POU6F2: variants seen among roughly 807,000 people sequenced by gnomAD.
POU6F2 encodes POU class 6 homeobox 2.
In POU6F2, 31 loss-of-function variants were observed where a neutral mutation model predicts 71.3. The ratio of observed to expected loss-of-function variants is 0.43; its 90% CI spans 0.33 to 0.59. POU6F2 has a LOEUF of 0.59. POU6F2 is among the 20% of genes least tolerant of loss of function. POU6F2 has a pLI of 0.04. For missense variants in POU6F2, 783 were observed against 856.8 expected, an observed-to-expected ratio of 0.91 and a Z score of 1.07; for synonymous variants, 347 against 355.7, an observed-to-expected ratio of 0.98 and a Z score of 0.27.
intron 4 of POU6F2, among the ~76,000 whole-genome samples, chr7:39,233,056 C>T (rs975299825): frequency 6.6e-6 from 1 of 152,126 alleles, no homozygotes; most frequent in Non-Finnish European, 1.5e-5. Context: ...TGACAAATTA[C>T]GTGCAATTTA....
At chr7:39,138,278 A>G (rs1792426094) in intron 2 of POU6F2, among the ~76,000 whole-genome samples, 1 of 152,214 alleles carries the variant, frequency 6.6e-6, no homozygotes, top group Non-Finnish European at 1.5e-5. Flanking sequence ...TCTGTTACAT[A>G]ATACATATAT....
intron 4 of POU6F2, among the ~76,000 whole-genome samples, chr7:39,208,142 C>T (rs536613578): frequency 1.3e-5 from 2 of 152,228 alleles, no homozygotes; most frequent in Admixed American, 1.3e-4. Flanking sequence ...TCATATTTTG[C>T]AATGAGAAAA....
chr7:39,311,603 G>T (rs543145263), intron 4 of POU6F2, among the ~76,000 whole-genome samples: 2 of 152,294 alleles, frequency 1.3e-5, no homozygotes, highest in African/African-American at 4.8e-5. Flanking sequence ...TAGTGGATGG[G>T]TGGATAAATG....
chr7:39,178,294 T>C (rs1793370205), intron 2 of POU6F2, among the ~76,000 whole-genome samples: 1 of 152,114 alleles, frequency 6.6e-6, no homozygotes, highest in Admixed American at 6.6e-5. Context: ...ATAAACATTT[T>C]ACTATTCCCC....
At chr7:39,138,351 G>A (rs73365534) in intron 2 of POU6F2, among the ~76,000 whole-genome samples, 2,654 of 152,228 alleles carry the variant, frequency 0.017, 69 homozygotes, top group African/African-American at 0.061. Flanking sequence ...ATCAGTACTC[G>A]TCAGTAGCCT....
intron 1 of POU6F2, among the ~76,000 whole-genome samples, chr7:39,072,648 C>T (rs1231872536): frequency 6.6e-6 from 1 of 152,192 alleles, no homozygotes; most frequent in Non-Finnish European, 1.5e-5. Flanking sequence ...AACTCAGATG[C>T]TTCATCTGTT....
intron 4 of POU6F2, among the ~76,000 whole-genome samples, chr7:39,269,558 C>A (rs1394249374): frequency 2.6e-5 from 4 of 152,244 alleles, no homozygotes; most frequent in Non-Finnish European, 4.4e-5. Flanking sequence ...ATTTACCATG[C>A]GTCTTCTCAT....
At chr7:39,235,814 G>A (rs921083078) in intron 4 of POU6F2, among the ~76,000 whole-genome samples, 11 of 152,102 alleles carry the variant, frequency 7.2e-5, no homozygotes, top group African/African-American at 2.7e-4. Flanking sequence ...ATCAACAGAG[G>A]ACCTTGGTGT....
chr7:39,348,665 T>TA (rs1313532786), intron 5 of POU6F2, among the ~76,000 whole-genome samples: 31 of 152,212 alleles, frequency 2.0e-4, no homozygotes, highest in African/African-American at 7.5e-4. Context: ...ATTAGTGAAA[T>TA]ATATATTCTT....
chr7:39,111,571 T>C (rs552157592), intron 2 of POU6F2, among the ~76,000 whole-genome samples: 2 of 152,290 alleles, frequency 1.3e-5, no homozygotes, highest in South Asian at 4.1e-4. Flanking sequence ...ATTTTATAGC[T>C]GCATCATAAT....
chr7:39,316,178 A>G (rs113039969), intron 4 of POU6F2, among the ~76,000 whole-genome samples: 8 of 152,306 alleles, frequency 5.3e-5, no homozygotes, highest in African/African-American at 1.4e-4. Context: ...ACAGGGTTCA[A>G]TATTCAACTT....
At chr7:38,981,313 T>C (rs1788309260) in intron 1 of POU6F2, among the ~76,000 whole-genome samples, 1 of 152,170 alleles carries the variant, frequency 6.6e-6, no homozygotes, top group African/African-American at 2.4e-5. Flanking sequence ...ACAGATTAGT[T>C]CATCAGTACT....
intron 4 of POU6F2, among the ~76,000 whole-genome samples, chr7:39,216,870 A>C (rs901257773): frequency 3.9e-5 from 6 of 152,164 alleles, no homozygotes; most frequent in African/African-American, 7.2e-5. Context: ...CTGACAGTAA[A>C]ATAATCAAGA....
At chr7:39,072,749 C>T (rs551405203) in intron 1 of POU6F2, among the ~76,000 whole-genome samples, 97 of 152,026 alleles carry the variant, frequency 6.4e-4, no homozygotes, top group Non-Finnish European at 1.2e-3. Flanking sequence ...TGTCAGTTGC[C>T]GATTATCTCC....
chr7:39,357,030 A>G (rs1786275831), intron 5 of POU6F2, among the ~76,000 whole-genome samples: 1 of 152,224 alleles, frequency 6.6e-6, no homozygotes, highest in Admixed American at 6.5e-5. Context: ...TATAATAGGC[A>G]AAGAAGCAGG....
chr7:39,109,492 A>C (rs934151530), intron 2 of POU6F2, among the ~76,000 whole-genome samples: 2 of 152,176 alleles, frequency 1.3e-5, no homozygotes, highest in Non-Finnish European at 2.9e-5. Context: ...ATTCTGCCTG[A>C]TGAGTGGTAG....
chr7:39,447,612 C>T (rs1788554670), intron 7 of POU6F2, among the ~76,000 whole-genome samples: 1 of 152,166 alleles, frequency 6.6e-6, no homozygotes, highest in Admixed American at 6.6e-5. Context: ...AGGTAGGAAG[C>T]ATCCAATAAA....
chr7:39,275,703 C>G (rs1222200525), intron 4 of POU6F2, among the ~76,000 whole-genome samples: 12 of 152,164 alleles, frequency 7.9e-5, no homozygotes, highest in East Asian at 5.8e-4. Flanking sequence ...CCAAAACAGA[C>G]ATATAGATCA....
intron 2 of POU6F2, among the ~76,000 whole-genome samples, chr7:39,153,912 T>C (rs970331502): frequency 6.6e-6 from 1 of 152,164 alleles, no homozygotes; most frequent in African/African-American, 2.4e-5. Context: ...GGTGTAAACA[T>C]GGATGACAGC....
Sources: allele counts gnomAD v4.1 joint callset (sites outside exome capture counted in the v4.1 genomes callset), GRCh38; gene constraint gnomAD v4.1.1; transcripts MANE v1.5; gene names NCBI Gene and HGNC (gene_info 2026-07-23, HGNC 2026-07-21).